HMGA2: variants seen among roughly 807,000 people sequenced by gnomAD.
The protein encoded by HMGA2 is high mobility group AT-hook 2, also known as high mobility group protein HMGI-C.
HMGA2 carries 8 observed loss-of-function variants against 19.1 expected under a neutral mutation model. The observed-to-expected ratio is 0.42, with a 90% CI of 0.25 to 0.76. HMGA2 has a LOEUF of 0.76. Ranked by LOEUF, HMGA2 falls within the 30% of genes least tolerant of loss-of-function variation. HMGA2 has a pLI of 0.28. For missense variants in HMGA2, 109 were observed against 136.3 expected (o/e 0.80, Z 1.00); for synonymous variants, 60 against 48.8 (o/e 1.23, Z -0.96).
chr12:65,936,453 C>T (rs140899625), intron 3 of HMGA2, among the ~76,000 whole-genome samples: 6 of 152,280 alleles, frequency 3.9e-5, no homozygotes, highest in Admixed American at 2.6e-4. Flanking sequence ...TATTCCTGTG[C>T]AGCTGAAACT....
intron 3 of HMGA2, among the ~76,000 whole-genome samples, chr12:65,911,256 G>C (rs1029014343): frequency 3.3e-5 from 5 of 152,174 alleles, no homozygotes; most frequent in African/African-American, 1.2e-4. Flanking sequence ...GTAGGGAGCA[G>C]CTGGTCTTTG....
chr12:65,955,791 G>A (rs1317649770), intron 4 of HMGA2: 8 of 152,118 alleles, frequency 5.3e-5, no homozygotes, highest in Admixed American at 5.2e-4. Context: ...TGTGCACCCG[G>A]GCAAAGAAAT....
intron 3 of HMGA2, chr12:65,867,517 T>C (rs1441297466): frequency 2.2e-6 from 1 of 455,030 alleles, no homozygotes; most frequent in African/African-American, 2.0e-5. Context: ...TGAAAAGACA[T>C]AAAGGAATGA....
At chr12:65,951,537 A>G (rs1336790841) in intron 4 of HMGA2, 122 bp downstream of exon 4, 1 of 688,210 alleles carries the variant, frequency 1.5e-6, no homozygotes, top group Non-Finnish European at 2.6e-6. Flanking sequence ...GTCCTGCAGT[A>G]TTCCTGAAAA....
intron 3 of HMGA2, among the ~76,000 whole-genome samples, chr12:65,887,591 T>A (rs892323193): frequency 2.0e-5 from 3 of 151,918 alleles, no homozygotes; most frequent in African/African-American, 7.3e-5. Context: ...GGCATGGTGG[T>A]GCGAGCCTGT....
chr12:65,943,219 T>C (rs1035079522), intron 3 of HMGA2, among the ~76,000 whole-genome samples: 1 of 152,208 alleles, frequency 6.6e-6, no homozygotes, highest in Non-Finnish European at 1.5e-5. Flanking sequence ...TCAATTAGTA[T>C]TCGATGAGCC....
At chr12:65,827,914 A>G (rs1240891165) in intron 1 of HMGA2, 87 bp from the exon 2 acceptor site, 1 of 896,926 alleles carries the variant, frequency 1.1e-6, no homozygotes, top group South Asian at 1.3e-5. Flanking sequence ...TTTGAGCAGC[A>G]CATGCAGAAA....
chr12:65,935,081 G>A (rs888565528), intron 3 of HMGA2: 4 of 152,210 alleles, frequency 2.6e-5, no homozygotes, highest in Non-Finnish European at 5.9e-5. Flanking sequence ...GAAGGGAACT[G>A]ACAGCGCCTG....
intron 4 of HMGA2, chr12:65,956,117 A>G (rs1021592979): frequency 1.3e-5 from 2 of 152,238 alleles, no homozygotes; most frequent in African/African-American, 4.8e-5. Flanking sequence ...TAAATAGTTC[A>G]TAATAAATCA....
intron 3 of HMGA2, among the ~76,000 whole-genome samples, chr12:65,944,524 G>T (rs1168427335): frequency 6.6e-6 from 1 of 152,112 alleles, no homozygotes; most frequent in Non-Finnish European, 1.5e-5. Flanking sequence ...AAGTGTAAGG[G>T]GAAGGATCCA....
chr12:65,901,019 T>A (rs919056857), intron 3 of HMGA2, among the ~76,000 whole-genome samples: 7 of 152,238 alleles, frequency 4.6e-5, no homozygotes, highest in African/African-American at 1.7e-4. Context: ...TGTATCTATG[T>A]GGAGAAATAC....
chr12:65,869,984 A>G (rs1251749513), intron 3 of HMGA2, among the ~76,000 whole-genome samples: 3 of 152,068 alleles, frequency 2.0e-5, no homozygotes, highest in Non-Finnish European at 4.4e-5. Flanking sequence ...TCTCACACTT[A>G]GCTTTAGGAT....
chr12:65,944,228 G>A (rs774036084), intron 3 of HMGA2, among the ~76,000 whole-genome samples: 16 of 152,136 alleles, frequency 1.1e-4, no homozygotes, highest in Non-Finnish European at 2.2e-4. Context: ...CAATACCTGA[G>A]TTGACCATTA....
intron 3 of HMGA2, among the ~76,000 whole-genome samples, chr12:65,867,231 C>T (rs899603397): frequency 2.0e-5 from 3 of 152,182 alleles, no homozygotes; most frequent in African/African-American, 7.2e-5. Flanking sequence ...GGCCCTTGTC[C>T]TGTTTTTGCA....
In HMGA2 at chr12:65,965,542, C is replaced by T. The variant is rs867717325; in HGVS notation, c.*2250C>T. On this transcript the variant is annotated 3_prime_UTR_variant, in exon 5 of 5. Coordinates refer to ENST00000403681, the MANE Select transcript of HMGA2 (RefSeq NM_003483.6). Reference sequence around the variant, plus strand: ...ACATACCTCTCTGAGACTGGCAGATCGCTCACTGTTGTGAATCACCAAAGG... The same window carrying T: ...ACATACCTCTCTGAGACTGGCAGATTGCTCACTGTTGTGAATCACCAAAGG... The T allele has an allele frequency of 4.7e-6, 1 of 210,672 alleles. No individual in the cohort carries two copies. Among genetic ancestry groups the T allele is most frequent in the Non-Finnish European group, 9.7e-6 (1 of 103,560 alleles). 13.1% of individuals were successfully genotyped at this position (210,672 alleles called of 1,614,324 possible).
At chr12:65,954,612 T>C (rs2121318496) in intron 4 of HMGA2, 1 of 152,282 alleles carries the variant, frequency 6.6e-6, no homozygotes, top group Admixed American at 6.5e-5. Flanking sequence ...GCATACGCAC[T>C]TGTGTTTGTG....
intron 3 of HMGA2, among the ~76,000 whole-genome samples, chr12:65,930,212 T>C (rs1223533354): frequency 6.6e-6 from 1 of 152,228 alleles, no homozygotes; most frequent in Non-Finnish European, 1.5e-5. Context: ...ATCTTCAACC[T>C]TGTTTGGTGT....
intron 3 of HMGA2, among the ~76,000 whole-genome samples, chr12:65,910,073 C>A (rs1874778841): frequency 6.6e-6 from 1 of 152,290 alleles, no homozygotes; most frequent in Middle Eastern, 3.4e-3. Flanking sequence ...GGAGAGAGAG[C>A]ATACACTAGA....
chr12:65,838,998 C>CTTTTTTTTTTTTTT, intron 3 of HMGA2, among the ~76,000 whole-genome samples: 1,092 of 106,314 alleles, frequency 0.01, 34 homozygotes, highest in East Asian at 0.021. Flanking sequence ...TTTTCTTTTT[C>CTTTTTTTTTTTTTT]TTTTTTTTTT....
Sources: gnomAD v4.1 joint callset for allele counts (sites outside exome capture counted in the v4.1 genomes callset) on GRCh38, gnomAD v4.1.1 for gene constraint, MANE v1.5 for transcripts, NCBI Gene and HGNC (gene_info 2026-07-23, HGNC 2026-07-21) for gene names.